KCNQ5: variants seen among roughly 807,000 people sequenced by gnomAD.
KCNQ5 encodes the protein potassium voltage-gated channel subfamily KQT member 5.
In KCNQ5, 30 loss-of-function variants were observed where a neutral mutation model predicts 98.2. That is an observed-to-expected ratio of 0.31 (90% CI 0.23 to 0.41). The LOEUF is 0.41. Among genes scored for constraint, KCNQ5 ranks in the 10% least tolerant of loss-of-function variants. The pLI is 1.00. For missense variants in KCNQ5, 835 were observed against 1,182.5 expected, an observed-to-expected ratio of 0.71 and a Z score of 4.31; for synonymous variants, 458 against 449.4, an observed-to-expected ratio of 1.02 and a Z score of -0.24.
chr6:73,014,511 T>C (rs1381605860), intron 2 of KCNQ5, among the ~76,000 whole-genome samples: 3 of 152,088 alleles, frequency 2.0e-5, no homozygotes. Context: ...ATGAGTACTC[T>C]ATCCAGGCTT....
At chr6:72,720,243 T>C (rs192852050) in intron 1 of KCNQ5, among the ~76,000 whole-genome samples, 69 of 152,362 alleles carry the variant, frequency 4.5e-4, no homozygotes, top group Non-Finnish European at 6.5e-4. Flanking sequence ...TTCTGGCAAG[T>C]TAGCTGCTTT....
chr6:73,163,716 C>A (rs9293923), intron 10 of KCNQ5, among the ~76,000 whole-genome samples: 15,130 of 152,208 alleles, frequency 0.099, 975 homozygotes, highest in East Asian at 0.25. Context: ...CCACTTCACT[C>A]CAGCCTGGGC....
chr6:72,792,351 C>A (rs753771385), intron 1 of KCNQ5, among the ~76,000 whole-genome samples: 7 of 152,114 alleles, frequency 4.6e-5, no homozygotes, highest in Non-Finnish European at 5.9e-5. Flanking sequence ...CTATACCATT[C>A]TCTTGCCCTT....
chr6:73,071,218 C>T (rs1434303433), intron 3 of KCNQ5, among the ~76,000 whole-genome samples: 1 of 151,988 alleles, frequency 6.6e-6, no homozygotes, highest in Non-Finnish European at 1.5e-5. Context: ...ATTAGCATTC[C>T]TTTTTATTAG....
At chr6:72,635,080 G>A (rs1286648632) in intron 1 of KCNQ5, among the ~76,000 whole-genome samples, 3 of 149,530 alleles carry the variant, frequency 2.0e-5, no homozygotes, top group Non-Finnish European at 4.4e-5. Flanking sequence ...AGGCTAGAGT[G>A]CAGTTGTACA....
At chr6:72,950,099 A>G (rs965548503) in intron 1 of KCNQ5, among the ~76,000 whole-genome samples, 2 of 152,198 alleles carry the variant, frequency 1.3e-5, no homozygotes, top group African/African-American at 4.8e-5. Flanking sequence ...ATTATTTTTC[A>G]ACAAGGATCC....
intron 1 of KCNQ5, among the ~76,000 whole-genome samples, chr6:72,745,463 G>A (rs772397833): frequency 1.3e-5 from 2 of 152,146 alleles, no homozygotes; most frequent in Admixed American, 6.5e-5. Context: ...AGCAATCAAG[G>A]CTAGAATCAG....
At chr6:73,119,053 AC>A (rs1775636001) in intron 7 of KCNQ5, among the ~76,000 whole-genome samples, 1 of 152,170 alleles carries the variant, frequency 6.6e-6, no homozygotes, top group African/African-American at 2.4e-5. Flanking sequence ...TAGGTTTGTC[AC>A]ATAAAATAAA....
At chr6:72,934,472 AAAACT>A (rs1301135040) in intron 1 of KCNQ5, among the ~76,000 whole-genome samples, 1 of 152,192 alleles carries the variant, frequency 6.6e-6, no homozygotes, top group Non-Finnish European at 1.5e-5. Context: ...GTAGCTCAAT[AAAACT>A]AAATAAAATG....
intron 11 of KCNQ5, among the ~76,000 whole-genome samples, chr6:73,181,181 T>C (rs3799282): frequency 0.048 from 7,319 of 152,302 alleles, 201 homozygotes; most frequent in East Asian, 0.1. Flanking sequence ...GAGGAGGTAC[T>C]AGTTTAGGTT....
At position 73,011,825 on chromosome 6, in the gene KCNQ5, C is replaced by CA. The variant is rs542806977; in HGVS notation, c.489+7837dup. Among the ~76,000 whole-genome samples the CA allele has an allele frequency of 4.7e-3, 677 of 145,234 alleles. 6 individuals are homozygous for CA. Among genetic ancestry groups the CA allele is most frequent in the East Asian group, 0.026 (128 of 5,012 alleles). On this transcript the variant is annotated intron_variant, in intron 2 of 13. Transcript: ENST00000370398. ...GCAAAGGACTTGAATAAACATTTCT[C>CA]AAAAAAAAAAGAGGTACAAGTGGCC...
At chr6:72,931,629 T>C (rs1335824323) in intron 1 of KCNQ5, among the ~76,000 whole-genome samples, 5 of 152,154 alleles carry the variant, frequency 3.3e-5, no homozygotes. Context: ...CTGATTTATA[T>C]TGCAGACCAA....
intron 10 of KCNQ5, among the ~76,000 whole-genome samples, chr6:73,138,122 C>G (rs1402073155): frequency 6.6e-6 from 1 of 152,182 alleles, no homozygotes; most frequent in Non-Finnish European, 1.5e-5. Flanking sequence ...TGGGAAGAGA[C>G]TCAGGATAAC....
intron 5 of KCNQ5, among the ~76,000 whole-genome samples, chr6:73,088,964 T>A (rs1201569095): frequency 6.6e-6 from 1 of 152,204 alleles, no homozygotes; most frequent in Non-Finnish European, 1.5e-5. Context: ...CTCCTGTACA[T>A]TTGCTGCCAT....
chr6:73,166,305 G>A (rs955331983), intron 10 of KCNQ5, among the ~76,000 whole-genome samples: 19 of 151,724 alleles, frequency 1.3e-4, no homozygotes, highest in African/African-American at 3.6e-4. Flanking sequence ...GCATGGTGGC[G>A]GGCACCTGTA....
intron 6 of KCNQ5, among the ~76,000 whole-genome samples, chr6:73,107,777 A>C (rs1290759329): frequency 1.3e-5 from 2 of 152,240 alleles, no homozygotes; most frequent in African/African-American, 4.8e-5. Flanking sequence ...TGGAAATCTG[A>C]AAATTTTGCT....
At chr6:72,868,613 T>A (rs1287411502) in intron 1 of KCNQ5, among the ~76,000 whole-genome samples, 1 of 152,180 alleles carries the variant, frequency 6.6e-6, no homozygotes, top group Admixed American at 6.5e-5. Context: ...AACCGGTGAC[T>A]CTGCAGTTGC....
chr6:72,953,257 A>G (rs868215068), intron 1 of KCNQ5, among the ~76,000 whole-genome samples: 15 of 152,148 alleles, frequency 9.9e-5, no homozygotes, highest in Non-Finnish European at 1.8e-4. Flanking sequence ...ATTAATTAAC[A>G]TTTTTTCAGG....
At chr6:72,877,879 C>T (rs1026240098) in intron 1 of KCNQ5, among the ~76,000 whole-genome samples, 2 of 152,228 alleles carry the variant, frequency 1.3e-5, no homozygotes, top group African/African-American at 4.8e-5. Flanking sequence ...TTACCACAGA[C>T]TCCTTGAATT....
Sources: allele counts gnomAD v4.1 joint callset (sites outside exome capture counted in the v4.1 genomes callset), GRCh38; gene constraint gnomAD v4.1.1; transcripts MANE v1.5; gene names NCBI Gene and HGNC (gene_info 2026-07-23, HGNC 2026-07-21).